The following LRBA variants were observed in gnomAD, a reference collection of about 807,000 sequenced individuals.
LRBA encodes the protein lipopolysaccharide-responsive and beige-like anchor protein.
LRBA carries 176 observed loss-of-function variants against 330.0 expected under a neutral mutation model. The ratio of observed to expected loss-of-function variants is 0.53; its 90% confidence interval spans 0.47 to 0.60. LRBA has a LOEUF of 0.60. LRBA is among the 20% of genes least tolerant of loss of function. The pLI is 0.00. For missense variants in LRBA, 3,259 were observed against 3,444.8 expected (o/e 0.95, Z 1.35); for synonymous variants, 1,230 against 1,193.0 (o/e 1.03, Z -0.64).
chr4:150,269,563 A>G (rs1745801517), intron 56 of LRBA, among the ~76,000 whole-genome samples: 1 of 152,232 alleles, frequency 6.6e-6, no homozygotes, highest in Admixed American at 6.5e-5. Context: ...ATGACCTTGG[A>G]TTTTGCAGTG....
intron 40 of LRBA, among the ~76,000 whole-genome samples, chr4:150,552,746 C>G (rs1044299482): frequency 6.6e-6 from 1 of 152,038 alleles, no homozygotes; most frequent in Non-Finnish European, 1.5e-5. Flanking sequence ...TGGAACCAAC[C>G]CAAATGTCCA....
chr4:150,341,004 C>T (rs1034529476), intron 48 of LRBA, among the ~76,000 whole-genome samples: 1 of 152,098 alleles, frequency 6.6e-6, no homozygotes, highest in Non-Finnish European at 1.5e-5. Context: ...TTTCAAATAC[C>T]ACTTTGGCAG....
chr4:150,341,850 T>C (rs936404387), intron 48 of LRBA, among the ~76,000 whole-genome samples: 1 of 151,702 alleles, frequency 6.6e-6, no homozygotes, highest in East Asian at 1.9e-4. Flanking sequence ...CTTTCAACCT[T>C]TGTATATTGC....
intron 31 of LRBA, among the ~76,000 whole-genome samples, chr4:150,816,466 G>C (rs2126763528): frequency 6.6e-6 from 1 of 151,850 alleles, no homozygotes; most frequent in African/African-American, 2.4e-5. Flanking sequence ...TCAATGTATA[G>C]GATCTTGCAT....
chr4:150,932,363 TAA>T (rs78850552), intron 2 of LRBA, among the ~76,000 whole-genome samples: 28 of 132,294 alleles, frequency 2.1e-4, no homozygotes, highest in Non-Finnish European at 2.0e-4. Flanking sequence ...ACTAGGGTGT[TAA>T]AAAAAAAAAA....
At chr4:150,419,165 TC>T (rs1306606551) in intron 46 of LRBA, among the ~76,000 whole-genome samples, 2 of 152,140 alleles carry the variant, frequency 1.3e-5, no homozygotes, top group Non-Finnish European at 2.9e-5. Flanking sequence ...GATTTTAGCT[TC>T]CGTTCTTTCT....
At chr4:150,960,135 A>C (rs1375151580) in intron 2 of LRBA, among the ~76,000 whole-genome samples, 3 of 149,036 alleles carry the variant, frequency 2.0e-5, no homozygotes, top group African/African-American at 7.8e-5. Flanking sequence ...ATTCCATTTA[A>C]TACATGAAAA....
At chr4:150,330,968 T>C (rs540044618) in intron 48 of LRBA, among the ~76,000 whole-genome samples, 2 of 152,158 alleles carry the variant, frequency 1.3e-5, no homozygotes, top group East Asian at 1.9e-4. Context: ...CAGGGGAGGA[T>C]AAGGAGTGTT....
Position 150,835,494 on chromosome 4 carries a change from G to A in LRBA, c.4570-3518C>T, listed in dbSNP as rs898127888. On this transcript the variant is annotated intron_variant, in intron 28 of 56. Coordinates refer to ENST00000651943, the MANE Select transcript of LRBA (RefSeq NM_001364905.1). ...CTTTTATTTCGCTGAGCAGTGATTT[G>A]TAGTTCTCCTTGAAGAGGTCCTTCA... is the stretch of plus-strand genomic sequence containing the variant. Among the ~76,000 whole-genome samples, 23 of 152,146 alleles carry A rather than the reference G, an allele frequency of 1.5e-4. 1 individual carries two copies. Among genetic ancestry groups the A allele is most frequent in the African/African-American group, 5.6e-4 (23 of 41,434 alleles).
At chr4:150,869,621 G>A (rs751555350) in intron 20 of LRBA, among the ~76,000 whole-genome samples, 13 of 152,154 alleles carry the variant, frequency 8.5e-5, no homozygotes, top group Non-Finnish European at 8.8e-5. Context: ...CCAGGAGGCA[G>A]AGGTTACAGT....
chr4:150,421,298 TTATA>T (rs1378184639), intron 46 of LRBA, among the ~76,000 whole-genome samples: 1 of 143,582 alleles, frequency 7.0e-6, no homozygotes, highest in African/African-American at 2.5e-5. Context: ...TATACATATA[TTATA>T]TATATAAAGT....
rs1259626307 is a variant in LRBA, at chr4:150,441,900, G to A, written c.6781-5036C>T. ...CAGGTTGATTTAAAGGCCAATATAA[G>A]TAAGCACTTAGAAGAGTTCCTGGCA... On this transcript the variant is annotated intron_variant, in intron 44 of 56. Coordinates refer to ENST00000651943, the MANE Select transcript of LRBA (RefSeq NM_001364905.1). Among the ~76,000 whole-genome samples the A allele has an allele frequency of 3.3e-5, 5 of 152,188 alleles. No homozygotes were observed. In the South Asian group the frequency reaches 8.3e-4, roughly 25 times the overall value.
intron 22 of LRBA, among the ~76,000 whole-genome samples, chr4:150,853,666 T>C (rs1213491298): frequency 1.3e-5 from 2 of 152,126 alleles, no homozygotes; most frequent in Non-Finnish European, 2.9e-5. Context: ...GGGAAAAAAC[T>C]GAAAAAGTAA....
At chr4:150,531,545 C>T (rs1048262492) in intron 40 of LRBA, among the ~76,000 whole-genome samples, 21 of 152,126 alleles carry the variant, frequency 1.4e-4, no homozygotes, top group African/African-American at 4.1e-4. Context: ...ATAAGCTCAA[C>T]AAGAGGAGAA....
intron 35 of LRBA, among the ~76,000 whole-genome samples, chr4:150,752,239 T>C (rs1401749045): frequency 6.6e-6 from 1 of 152,120 alleles, no homozygotes; most frequent in Non-Finnish European, 1.5e-5. Context: ...TGAAGAATTA[T>C]TGCCTAACTC....
intron 40 of LRBA, among the ~76,000 whole-genome samples, chr4:150,558,379 C>T (rs1767606203): frequency 6.6e-6 from 1 of 152,118 alleles, no homozygotes; most frequent in Non-Finnish European, 1.5e-5. Context: ...GTATGGACTC[C>T]TATTTACTTC....
Position 150,844,737 on chromosome 4 carries a change from T to G in LRBA, c.4382A>C (p.His1461Pro). Reference protein sequence around the residue: ...AVRNCLECQQHSQLKTRGDKA... With the variant: ...AVRNCLECQQPSQLKTRGDKA... ...ATCTCCCCTAGTTTTCAGTTGTGAA[T>G]GCTGTTGACACTCCAAGCAATTCCT... The change falls in exon 27 of 57, where the codon CAT becomes CCT. Residue 1461 changes from histidine to proline, a missense_variant. Physicochemically the swap from His to Pro is moderately conservative, Grantham distance 77. Transcript: ENST00000651943. 6.2e-7 allele frequency: 1 copy of G among 1,613,200 alleles called. No individual in the cohort carries two copies. Among genetic ancestry groups the G allele is most frequent in the Non-Finnish European group, 8.5e-7 (1 of 1,179,196 alleles).
At chr4:150,279,266 A>C (rs1747205052) in intron 55 of LRBA, among the ~76,000 whole-genome samples, 1 of 151,950 alleles carries the variant, frequency 6.6e-6, no homozygotes, top group Non-Finnish European at 1.5e-5. Context: ...AAGTGTGATT[A>C]CTCCTAATTG....
At chr4:150,969,085 T>A (rs1281880049) in intron 2 of LRBA, among the ~76,000 whole-genome samples, 3 of 152,210 alleles carry the variant, frequency 2.0e-5, no homozygotes, top group Non-Finnish European at 4.4e-5. Flanking sequence ...AAAAAAAGAT[T>A]TCCTTTCAAA....
Sources: allele counts gnomAD v4.1 joint callset (sites outside exome capture counted in the v4.1 genomes callset), GRCh38; gene constraint gnomAD v4.1.1; transcripts MANE v1.5; gene names NCBI Gene and HGNC (gene_info 2026-07-23, HGNC 2026-07-21).